Variants in DYM observed in about 807,000 individuals in gnomAD.
The protein encoded by DYM is dymeclin.
DYM carries 78 observed loss-of-function variants against 93.1 expected under a neutral mutation model. The observed-to-expected ratio is 0.84, with a 90% confidence interval of 0.70 to 1.01. The LOEUF (loss-of-function observed/expected upper bound fraction) is 1.01. Ranked by LOEUF, DYM falls within the 50% of genes least tolerant of loss-of-function variation. The probability of loss-of-function intolerance (pLI) is 0.00; values close to 1 mark genes in which losing one functional copy is unlikely to be tolerated. For synonymous variants in DYM, 321 were observed against 319.7 expected, an observed-to-expected ratio of 1.00 and a Z score of -0.04; for missense variants, 789 against 845.0, an observed-to-expected ratio of 0.93 and a Z score of 0.82.
chr18:49,174,918 G>A (rs2089211894), intron 14 of DYM, among the ~76,000 whole-genome samples: 1 of 152,092 alleles, frequency 6.6e-6, no homozygotes, highest in Non-Finnish European at 1.5e-5. Context: ...GAAAACATGT[G>A]AGGATTAATA....
intron 15 of DYM, among the ~76,000 whole-genome samples, chr18:49,145,117 A>G (rs1266411793): frequency 1.0e-5 from 1 of 97,232 alleles, no homozygotes; most frequent in Admixed American, 1.1e-4. Context: ...TCATATATAT[A>G]TATATATATA....
intron 1 of DYM, among the ~76,000 whole-genome samples, chr18:49,451,193 A>T (rs1038701015): frequency 4.6e-5 from 7 of 152,212 alleles, no homozygotes; most frequent in African/African-American, 1.7e-4. Context: ...CAAAACTTGA[A>T]GCATGATTGT....
chr18:49,380,646 T>A (rs1192279190), intron 3 of DYM, among the ~76,000 whole-genome samples: 1 of 152,204 alleles, frequency 6.6e-6, no homozygotes, highest in African/African-American at 2.4e-5. Context: ...AAATTGGACT[T>A]AAGGAAACTA....
chr18:49,349,856 T>C (rs2064954454), intron 6 of DYM, among the ~76,000 whole-genome samples: 1 of 151,892 alleles, frequency 6.6e-6, no homozygotes, highest in Non-Finnish European at 1.5e-5. Context: ...ACTAGGGAAG[T>C]GGAGGAGGAA....
chr18:49,097,483 T>C lies in DYM; in HGVS notation c.1944A>G (p.Gln648=). The stretch of plus-strand genomic sequence containing the variant: ...GTTCCACTGACAGCTCAGCTCCAGC[T>C]TGCAGCAACCTTGAGCTAAAGAAGG... ...VISFFSSRLL[Q]AGAELSVERV... The change falls in exon 17 of 18, where the codon CAA becomes CAG. Residue 648 remains glutamine (Q), a synonymous_variant. Coordinates refer to ENST00000675505, the MANE Select transcript of DYM (RefSeq NM_001353214.3). The C allele has an allele frequency of 6.2e-7, 1 of 1,614,054 alleles. No homozygotes were observed. The highest frequency in any genetic ancestry group is 8.5e-7 in the Non-Finnish European group (1 of 1,179,916).
chr18:49,396,102 T>TTTC (rs1457544770), intron 2 of DYM, among the ~76,000 whole-genome samples: 5 of 152,122 alleles, frequency 3.3e-5, no homozygotes, highest in African/African-American at 1.2e-4. Context: ...CTGCCATGAG[T>TTTC]GGAAGCAGCC....
intron 11 of DYM, among the ~76,000 whole-genome samples, chr18:49,260,614 G>A (rs1338784183): frequency 6.6e-6 from 1 of 152,158 alleles, no homozygotes; most frequent in Non-Finnish European, 1.5e-5. Context: ...TAATGAATTT[G>A]CAGTATATGA....
At chr18:49,225,124 C>A (rs191693727) in intron 13 of DYM, among the ~76,000 whole-genome samples, 1 of 152,094 alleles carries the variant, frequency 6.6e-6, no homozygotes, top group African/African-American at 2.4e-5. Context: ...CCTGAGATAT[C>A]GTTAATCCCA....
chr18:49,403,284 G>A (rs1222188472), intron 2 of DYM, among the ~76,000 whole-genome samples: 2 of 152,164 alleles, frequency 1.3e-5, no homozygotes, highest in Non-Finnish European at 2.9e-5. Flanking sequence ...AACTGTAAGT[G>A]ATCTGCTTTG....
intron 14 of DYM, among the ~76,000 whole-genome samples, chr18:49,167,295 G>A (rs1276505030): frequency 6.6e-6 from 1 of 152,050 alleles, no homozygotes; most frequent in Admixed American, 6.6e-5. Flanking sequence ...TTTTGGTTGA[G>A]CATAATGGAA....
At chr18:49,352,266 A>G (rs2065176781) in intron 6 of DYM, among the ~76,000 whole-genome samples, 1 of 152,184 alleles carries the variant, frequency 6.6e-6, no homozygotes, top group Non-Finnish European at 1.5e-5. Flanking sequence ...GGGTGCTGAA[A>G]ATGTTCCGGT....
intron 8 of DYM, among the ~76,000 whole-genome samples, chr18:49,307,903 T>A (rs1163192636): frequency 3.3e-5 from 5 of 152,246 alleles, no homozygotes. Context: ...GCTTTCTTGA[T>A]GTGACCAAGT....
At chr18:49,086,358 C>G (rs775540996) in intron 17 of DYM, among the ~76,000 whole-genome samples, 1 of 152,164 alleles carries the variant, frequency 6.6e-6, no homozygotes, top group Non-Finnish European at 1.5e-5. Context: ...TATAAAGCCA[C>G]AAGTCCCCCT....
chr18:49,426,387 G>A (rs1397875102), intron 2 of DYM, among the ~76,000 whole-genome samples: 3 of 117,748 alleles, frequency 2.5e-5, no homozygotes, highest in Non-Finnish European at 3.4e-5. Flanking sequence ...CACACACTGG[G>A]GCCTGTTGTG....
chr18:49,084,440 G>T (rs571747761), intron 17 of DYM, among the ~76,000 whole-genome samples: 1 of 152,146 alleles, frequency 6.6e-6, no homozygotes, highest in Non-Finnish European at 1.5e-5. Flanking sequence ...CTGCCATTGG[G>T]TAGAATGCTC....
In DYM at chr18:49,072,419, A is replaced by G. The variant is rs1003278785; in HGVS notation, c.2025+24983T>C. Reference sequence around the variant, plus strand: ...TCCCATTCAAAAGGGATGGGATTTGATATCTATGAAAGTAGCCCCCAGACT... The same window carrying G: ...TCCCATTCAAAAGGGATGGGATTTGGTATCTATGAAAGTAGCCCCCAGACT... On this transcript the variant is annotated intron_variant, in intron 17 of 17. Transcript: ENST00000675505. Among the ~76,000 whole-genome samples the G allele has an allele frequency of 3.3e-5, 5 of 152,084 alleles. No individual in the cohort carries two copies. The East Asian group carries it at 5.8e-4, about 18-fold the overall frequency.
At chr18:49,401,983 A>G (rs1245238542) in intron 2 of DYM, among the ~76,000 whole-genome samples, 1 of 150,660 alleles carries the variant, frequency 6.6e-6, no homozygotes, top group Non-Finnish European at 1.5e-5. Context: ...CCGAGATGAC[A>G]CCACTGCACT....
At chr18:49,173,013 GTT>G (rs35994544) in intron 14 of DYM, among the ~76,000 whole-genome samples, 47,594 of 147,812 alleles carry the variant, frequency 0.32, 8,814 homozygotes, top group Middle Eastern at 0.47. Flanking sequence ...TGGTTTGGGT[GTT>G]TTTTTTTTAA....
intron 17 of DYM, among the ~76,000 whole-genome samples, chr18:49,069,590 A>G (rs78696305): frequency 0.018 from 2,724 of 152,360 alleles, 79 homozygotes; most frequent in African/African-American, 0.061. Context: ...ACATATACTT[A>G]TAAAAGTAAG....
Sources: allele counts gnomAD v4.1 joint callset (sites outside exome capture counted in the v4.1 genomes callset), GRCh38; gene constraint gnomAD v4.1.1; transcripts MANE v1.5; gene names NCBI Gene and HGNC (gene_info 2026-07-23, HGNC 2026-07-21).